Variants in ARHGEF3 observed in about 807,000 individuals in gnomAD.
The protein encoded by ARHGEF3 is 59.8 kDA protein.
Under a neutral mutation model 63.2 loss-of-function variants are expected in ARHGEF3, and 28 were observed. That is an observed-to-expected ratio of 0.44 (90% confidence interval 0.33 to 0.61). ARHGEF3 has a LOEUF of 0.61. ARHGEF3 is among the 20% of genes least tolerant of loss of function. The pLI is 0.03. For missense variants in ARHGEF3, 533 were observed against 659.3 expected (o/e 0.81, Z 2.10); for synonymous variants, 266 against 254.2 (o/e 1.05, Z -0.44).
At chr3:57,025,448 G>A (rs1703433604) in intron 2 of ARHGEF3, among the ~76,000 whole-genome samples, 1 of 152,228 alleles carries the variant, frequency 6.6e-6, no homozygotes, top group Admixed American at 6.5e-5. Context: ...CTAATGCAGT[G>A]GGTTGCTGAA....
chr3:57,032,271 A>T (rs767077630), intron 2 of ARHGEF3, among the ~76,000 whole-genome samples: 1 of 152,184 alleles, frequency 6.6e-6, no homozygotes, highest in Non-Finnish European at 1.5e-5. Context: ...GGTACTGGTG[A>T]TATGCAGGAG....
At chr3:56,771,128 A>T (rs1197421156) in intron 2 of ARHGEF3, among the ~76,000 whole-genome samples, 1 of 151,904 alleles carries the variant, frequency 6.6e-6, no homozygotes, top group Non-Finnish European at 1.5e-5. Flanking sequence ...AAAAAAAAAA[A>T]TTATTTTGCC....
At chr3:56,856,145 T>C (rs1216937700) in intron 4 of ARHGEF3, among the ~76,000 whole-genome samples, 1 of 152,058 alleles carries the variant, frequency 6.6e-6, no homozygotes, top group Admixed American at 6.5e-5. Context: ...TCTGAGTCCA[T>C]AACCAGTCAG....
chr3:56,958,319 A>T (rs892281847), intron 3 of ARHGEF3, among the ~76,000 whole-genome samples: 1 of 133,272 alleles, frequency 7.5e-6, no homozygotes, highest in Non-Finnish European at 1.6e-5. Flanking sequence ...GGCCACTTGA[A>T]TTTTTTTTTT....
intron 2 of ARHGEF3, among the ~76,000 whole-genome samples, chr3:56,989,692 C>T (rs1010705019): frequency 1.3e-5 from 2 of 152,192 alleles, no homozygotes; most frequent in Admixed American, 6.5e-5. Context: ...CTGGGGCCCT[C>T]GTGGATTCCA....
chr3:56,872,862 T>A (rs1177446297), intron 4 of ARHGEF3, among the ~76,000 whole-genome samples: 7 of 152,234 alleles, frequency 4.6e-5, no homozygotes, highest in Admixed American at 2.6e-4. Context: ...AATACTTGTA[T>A]TAATAACAAA....
chr3:56,961,107 C>G (rs1048542979), intron 2 of ARHGEF3, among the ~76,000 whole-genome samples: 19 of 152,140 alleles, frequency 1.2e-4, no homozygotes, highest in African/African-American at 4.6e-4. Flanking sequence ...TTTAGGTACT[C>G]TAAGTCTCAC....
At chr3:56,741,406 A>G (rs1436289290) in intron 7 of ARHGEF3, among the ~76,000 whole-genome samples, 3 of 145,776 alleles carry the variant, frequency 2.1e-5, no homozygotes, top group African/African-American at 5.1e-5. Context: ...CTGGTCTCGA[A>G]CTCCTGACCT....
At chr3:57,011,251 A>G (rs940450239) in intron 2 of ARHGEF3, among the ~76,000 whole-genome samples, 3 of 152,210 alleles carry the variant, frequency 2.0e-5, no homozygotes, top group Non-Finnish European at 2.9e-5. Context: ...TTACAGGAAC[A>G]TGATGGTGCT....
rs1297838721 is a variant in ARHGEF3 at position 57,066,211 on chromosome 3, TCTC to T, written c.-28+13012_-28+13014del. On this transcript the variant is annotated intron_variant, in intron 1 of 12. Coordinates refer to the ARHGEF3 transcript ENST00000338458. ...GGGGAGGGAATTCTTTCCGAAATGT[TCTC>T]CTATCTGTACCAACAGCACACTTCC... Among the ~76,000 whole-genome samples the T allele has an allele frequency of 2.0e-5, 3 of 151,880 alleles. No homozygotes were observed. In the South Asian group the frequency reaches 6.2e-4, roughly 32 times the overall value.
chr3:56,915,795 T>G (rs898437489), intron 3 of ARHGEF3, among the ~76,000 whole-genome samples: 3 of 152,170 alleles, frequency 2.0e-5, no homozygotes, highest in African/African-American at 7.2e-5. Context: ...AGCATGAACT[T>G]CTAAAACTGA....
chr3:56,867,398 G>T (rs1168449853), intron 4 of ARHGEF3, among the ~76,000 whole-genome samples: 2 of 152,142 alleles, frequency 1.3e-5, no homozygotes, highest in African/African-American at 2.4e-5. Flanking sequence ...GATGATAAAG[G>T]CTATGAAGAA....
chr3:56,788,389 G>T (rs1006751887), intron 1 of ARHGEF3, among the ~76,000 whole-genome samples: 2 of 152,136 alleles, frequency 1.3e-5, no homozygotes, highest in Non-Finnish European at 2.9e-5. Context: ...GTTCCTTGAG[G>T]ACAGAAAGCA....
intron 4 of ARHGEF3, among the ~76,000 whole-genome samples, chr3:56,839,507 G>A (rs949367889): frequency 1.3e-5 from 2 of 152,192 alleles, no homozygotes; most frequent in East Asian, 3.8e-4. Flanking sequence ...ACTGTGTTAT[G>A]TAAGATGTTA....
chr3:56,835,569 T>C lies in ARHGEF3; in HGVS notation c.192+46723A>G, dbSNP rs182010917. 3.9e-3 allele frequency among the ~76,000 whole-genome samples: 595 copies of C among 152,308 alleles called. 3 individuals are homozygous for C. The highest frequency in any genetic ancestry group is 6.4e-3 in the Non-Finnish European group (433 of 68,036). On this transcript the variant is annotated intron_variant, in intron 4 of 12. Transcript: ENST00000338458. Reference sequence around the variant, plus strand: ...CATGCTAAATAATATGCTGAATTAATGCTAAATAACAGCATTAATTCAGAG... The same window carrying C: ...CATGCTAAATAATATGCTGAATTAACGCTAAATAACAGCATTAATTCAGAG...
At chr3:56,784,445 C>T (rs1010871375) in intron 1 of ARHGEF3, among the ~76,000 whole-genome samples, 1 of 152,154 alleles carries the variant, frequency 6.6e-6, no homozygotes, top group Admixed American at 6.5e-5. Context: ...CACAACGAGG[C>T]ACCCAGAGGT....
At chr3:57,011,267 C>A (rs1702689473) in intron 2 of ARHGEF3, among the ~76,000 whole-genome samples, 1 of 152,176 alleles carries the variant, frequency 6.6e-6, no homozygotes, top group African/African-American at 2.4e-5. Flanking sequence ...GTGCTAAGCA[C>A]ATGATCTAAA....
chr3:56,899,286 C>T (rs769711480), intron 3 of ARHGEF3, among the ~76,000 whole-genome samples: 1 of 152,126 alleles, frequency 6.6e-6, no homozygotes, highest in Non-Finnish European at 1.5e-5. Flanking sequence ...GGTGGGGCAC[C>T]GGGAGAGTCA....
intron 4 of ARHGEF3, among the ~76,000 whole-genome samples, chr3:56,835,937 TAA>T (rs1265661020): frequency 3.9e-5 from 6 of 152,208 alleles, no homozygotes; most frequent in African/African-American, 1.4e-4. Flanking sequence ...AGAAATGACT[TAA>T]GTCTTTGTTT....
Sources: allele counts gnomAD v4.1 joint callset (sites outside exome capture counted in the v4.1 genomes callset), GRCh38; gene constraint gnomAD v4.1.1; transcripts MANE v1.5; gene names NCBI Gene and HGNC (gene_info 2026-07-23, HGNC 2026-07-21).